DPH6: variants seen among roughly 807,000 people sequenced by gnomAD.
The protein encoded by DPH6 is diphthamine biosynthesis 6, also known as diphthine--ammonia ligase.
DPH6 carries 33 observed loss-of-function variants against 38.2 expected under a neutral mutation model. The ratio of observed to expected loss-of-function variants is 0.86; its 90% CI spans 0.65 to 1.15. DPH6 has a LOEUF of 1.15. Among genes scored for constraint, DPH6 ranks in the 50% most tolerant of loss-of-function variants. The probability of loss-of-function intolerance (pLI) is 0.00; values close to 1 mark genes in which losing one functional copy is unlikely to be tolerated. For missense variants in DPH6, 325 were observed against 320.0 expected (o/e 1.02, Z -0.12); for synonymous variants, 108 against 103.0 (o/e 1.05, Z -0.30).
At chr15:35,345,956 A>G (rs1290134919) in intron 3 of DPH6, among the ~76,000 whole-genome samples, 2 of 152,010 alleles carry the variant, frequency 1.3e-5, no homozygotes, top group African/African-American at 4.8e-5. Context: ...GACATAAAAT[A>G]TTTACATCCT....
chr15:35,522,784 G>A (rs1203665759), intron 3 of DPH6, among the ~76,000 whole-genome samples: 1 of 149,710 alleles, frequency 6.7e-6, no homozygotes, highest in African/African-American at 2.5e-5. Flanking sequence ...TCTTAATTCT[G>A]CCCACAGACT....
intron 3 of DPH6, among the ~76,000 whole-genome samples, chr15:35,304,754 C>A (rs2052076612): frequency 6.6e-6 from 1 of 151,052 alleles, no homozygotes; most frequent in African/African-American, 2.4e-5. Context: ...ATGTTTAAGC[C>A]ATTCTTCAAA....
intron 3 of DPH6, among the ~76,000 whole-genome samples, chr15:35,248,101 C>T (rs899309968): frequency 2.6e-5 from 4 of 152,292 alleles, no homozygotes; most frequent in South Asian, 2.1e-4. Flanking sequence ...TAAAAGTATA[C>T]GCTTTTGTTG....
the DPH6 span, among the ~76,000 whole-genome samples, chr15:35,188,833 G>C: frequency 5.3e-5 from 8 of 151,938 alleles, no homozygotes; most frequent in African/African-American, 1.9e-4. Context: ...GCAGTGAGCT[G>C]TGACTGGCCA....
At chr15:35,188,768 C>T in the DPH6 span, among the ~76,000 whole-genome samples, 1 of 151,980 alleles carries the variant, frequency 6.6e-6, no homozygotes, top group Non-Finnish European at 1.5e-5. Flanking sequence ...CGTGAAGTCC[C>T]AGCTACTCAG....
intron 3 of DPH6, chr15:35,282,879 CG>C (rs1566858909): frequency 1.5e-5 from 5 of 341,504 alleles, no homozygotes; most frequent in East Asian, 7.1e-5. Flanking sequence ...AAGACCCCAT[CG>C]GGGGGTTCCA....
At chr15:35,391,828 T>C (rs1429610537) in intron 6 of DPH6, among the ~76,000 whole-genome samples, 1 of 152,216 alleles carries the variant, frequency 6.6e-6, no homozygotes, top group African/African-American at 2.4e-5. Context: ...GGCTCATGCA[T>C]GGTGCACTGC....
intron 3 of DPH6, among the ~76,000 whole-genome samples, chr15:35,230,978 G>A (rs1371687752): frequency 2.0e-5 from 3 of 152,186 alleles, no homozygotes; most frequent in Admixed American, 6.5e-5. Context: ...GTTTAGGGGC[G>A]GGGTGATGCC....
intron 3 of DPH6, among the ~76,000 whole-genome samples, chr15:35,338,034 G>C (rs1483818186): frequency 6.6e-6 from 1 of 151,900 alleles, no homozygotes; most frequent in Non-Finnish European, 1.5e-5. Flanking sequence ...ATTAATTCAA[G>C]ATGGATTAAA....
At chr15:35,414,595 T>C (rs2053412908) in intron 5 of DPH6, among the ~76,000 whole-genome samples, 1 of 151,828 alleles carries the variant, frequency 6.6e-6, no homozygotes, top group East Asian at 1.9e-4. Context: ...TATTTTTTCC[T>C]TGAAACACCT....
downstream of DPH6, among the ~76,000 whole-genome samples, chr15:35,367,674 T>G (rs1449024898): frequency 6.6e-6 from 1 of 151,826 alleles, no homozygotes; most frequent in Non-Finnish European, 1.5e-5. Flanking sequence ...TTTACATTCA[T>G]ATAAATAATT....
downstream of DPH6, among the ~76,000 whole-genome samples, chr15:35,368,552 T>C (rs1266110797): frequency 1.3e-5 from 2 of 152,000 alleles, no homozygotes; most frequent in Non-Finnish European, 2.9e-5. Context: ...AGTTGTATCT[T>C]GTCCAAGAGT....
intron 5 of DPH6, among the ~76,000 whole-genome samples, chr15:35,443,117 A>G (rs1281563778): frequency 6.6e-6 from 1 of 152,202 alleles, no homozygotes; most frequent in African/African-American, 2.4e-5. Context: ...AGATAAAAAG[A>G]TCTCTTAAAA....
In DPH6 at chr15:35,410,040, T is replaced by C. The variant is rs990632252; in HGVS notation, c.567+795A>G. On this transcript the variant is annotated intron_variant, in intron 6 of 8. Coordinates refer to ENST00000256538, the MANE Select transcript of DPH6 (RefSeq NM_080650.4). ...AAAAAAGGTAAAACCCATGAAGTTA[T>C]TGAAAAGTGTAACTGCTAAGAGTTC... Among the ~76,000 whole-genome samples, 4 of 151,950 alleles carry C rather than the reference T, an allele frequency of 2.6e-5. No individual in the cohort carries two copies. The East Asian group carries it at 5.8e-4, about 22-fold the overall frequency.
chr15:35,512,096 G>A (rs1325034945), intron 3 of DPH6, among the ~76,000 whole-genome samples: 1 of 152,038 alleles, frequency 6.6e-6, no homozygotes, highest in Non-Finnish European at 1.5e-5. Flanking sequence ...ATATTAATGG[G>A]ATAAAGTAGT....
chr15:35,269,017 T>C (rs965902548), intron 3 of DPH6, among the ~76,000 whole-genome samples: 2 of 152,316 alleles, frequency 1.3e-5, no homozygotes, highest in East Asian at 1.9e-4. Flanking sequence ...AAAATAATTA[T>C]ATTGATTGAC....
At chr15:35,145,433 T>A in the DPH6 span, among the ~76,000 whole-genome samples, 1 of 152,196 alleles carries the variant, frequency 6.6e-6, no homozygotes, top group Non-Finnish European at 1.5e-5. Context: ...TATTCTTCAT[T>A]AGAGGAGTTA....
intron 3 of DPH6, among the ~76,000 whole-genome samples, chr15:35,244,647 C>T (rs531572085): frequency 1.3e-5 from 2 of 152,144 alleles, no homozygotes; most frequent in Non-Finnish European, 2.9e-5. Flanking sequence ...CCCATATATC[C>T]AGAAGAGTAT....
At chr15:35,237,905 G>GGTGAAGAGGAGGACGTGA in intron 3 of DPH6, 1 of 1,417,496 alleles carries the variant, frequency 7.1e-7, no homozygotes. Flanking sequence ...GGAGGAGGAA[G>GGTGAAGAGGAGGACGTGA]GTGAAGAGGA....
Sources: allele counts gnomAD v4.1 joint callset (sites outside exome capture counted in the v4.1 genomes callset), GRCh38; gene constraint gnomAD v4.1.1; transcripts MANE v1.5; gene names NCBI Gene and HGNC (gene_info 2026-07-23, HGNC 2026-07-21).